The following RCOR1 variants were observed in gnomAD, a reference collection of about 807,000 sequenced individuals.
RCOR1 encodes the protein REST corepressor.
A neutral mutation model predicts 64.0 loss-of-function variants in RCOR1; 12 were observed. The observed-to-expected ratio is 0.19, with a 90% CI of 0.12 to 0.30. RCOR1 has a LOEUF of 0.30. RCOR1 is among the 10% of genes least tolerant of loss of function. RCOR1 has a pLI of 1.00. For missense variants in RCOR1, 502 were observed against 621.2 expected (o/e 0.81, Z 2.04); for synonymous variants, 279 against 227.2 (o/e 1.23, Z -2.05).
In RCOR1 at chr14:102,623,483, A is replaced by G. The variant is rs369761389; in HGVS notation, c.361+30158A>G. Among the ~76,000 whole-genome samples the G allele has an allele frequency of 8.6e-3, 1,297 of 151,538 alleles. 5 individuals carry two copies. The highest frequency in any genetic ancestry group is 0.017 in the South Asian group (84 of 4,808). The stretch of plus-strand genomic sequence containing the variant: ...GAGTGCAATGGCGCGATCTTGGCTC[A>G]CTGCAAGCTCCGCCTCCTGGGTTCA... On this transcript the variant is annotated intron_variant, in intron 2 of 11. Coordinates refer to ENST00000262241, the MANE Select transcript of RCOR1 (RefSeq NM_015156.4).
At position 102,710,298 on chromosome 14, in the gene RCOR1, A is replaced by G. The variant is rs150482389; in HGVS notation, c.780-637A>G. Among the ~76,000 whole-genome samples, 1,108 of 152,352 alleles carry G rather than the reference A, an allele frequency of 7.3e-3. 14 individuals carry two copies. Among genetic ancestry groups the G allele is most frequent in the Middle Eastern group, 0.024 (7 of 294 alleles). Reference sequence around the variant, plus strand: ...TTTTTACAGTTGCATTCCTACCTACATCGGGGCTTTTCTTGTTTCTTTGTT... The same window carrying G: ...TTTTTACAGTTGCATTCCTACCTACGTCGGGGCTTTTCTTGTTTCTTTGTT... On this transcript the variant is annotated intron_variant, in intron 6 of 11. Coordinates refer to ENST00000262241, the MANE Select transcript of RCOR1 (RefSeq NM_015156.4).
rs1190516029 is a variant in RCOR1, at chr14:102,624,181, G to A, written c.361+30856G>A. ...ACTGCACTCCAGCCTGGGCGACAGA[G>A]GGAGACTCCGTCTCACATAAATAAA... On this transcript the variant is annotated intron_variant, in intron 2 of 11. Coordinates refer to ENST00000262241, the MANE Select transcript of RCOR1 (RefSeq NM_015156.4). 2.0e-5 allele frequency among the ~76,000 whole-genome samples: 3 copies of A among 147,378 alleles called. No individual in the cohort carries two copies. The Admixed American group carries it at 2.0e-4, about 10-fold the overall frequency.
intron 2 of RCOR1, among the ~76,000 whole-genome samples, chr14:102,655,782 G>A (rs1032155754): frequency 6.6e-5 from 10 of 151,948 alleles, no homozygotes; most frequent in African/African-American, 9.7e-5. Context: ...GTGAAACCCC[G>A]TCTCTACTAA....
At chr14:102,593,349 G>T (rs1326893022) in intron 2 of RCOR1, 24 bp downstream of exon 2, 4 of 1,520,512 alleles carry the variant, frequency 2.6e-6, no homozygotes, top group African/African-American at 1.4e-5. Context: ...CCGGCCGGCC[G>T]GCGGCGGGGA....
At chr14:102,613,814 A>G (rs1449775703) in intron 2 of RCOR1, among the ~76,000 whole-genome samples, 2 of 145,610 alleles carry the variant, frequency 1.4e-5, no homozygotes, top group African/African-American at 5.1e-5. Context: ...CCTTGGCCTC[A>G]CAAAGTGCTG....
rs144815045 is a variant in RCOR1, at chr14:102,606,546, C to A, written c.361+13221C>A. Among the ~76,000 whole-genome samples the A allele has an allele frequency of 2.0e-5, 3 of 151,856 alleles. No homozygotes were observed. The East Asian group carries it at 5.8e-4, about 29-fold the overall frequency. Reference sequence around the variant, plus strand: ...ATCTTACTCAGTACCAGAGAGTGTTCTGGGAGCTAGTGGTGTCATGTATGT... The same window carrying A: ...ATCTTACTCAGTACCAGAGAGTGTTATGGGAGCTAGTGGTGTCATGTATGT... On this transcript the variant is annotated intron_variant, in intron 2 of 11. Coordinates refer to ENST00000262241, the MANE Select transcript of RCOR1 (RefSeq NM_015156.4).
At chr14:102,605,525 C>T (rs1157072964) in intron 2 of RCOR1, among the ~76,000 whole-genome samples, 1 of 152,120 alleles carries the variant, frequency 6.6e-6, no homozygotes, top group Non-Finnish European at 1.5e-5. Context: ...AGTGCAACAG[C>T]GTGTAGCATT....
intron 2 of RCOR1, among the ~76,000 whole-genome samples, chr14:102,597,761 G>T (rs1454914954): frequency 6.8e-6 from 1 of 147,878 alleles, no homozygotes; most frequent in African/African-American, 2.5e-5. Flanking sequence ...AGCCTCCTCA[G>T]TAGCCGGGAT....
At chr14:102,609,118 T>C (rs1458647200) in intron 2 of RCOR1, among the ~76,000 whole-genome samples, 1 of 148,046 alleles carries the variant, frequency 6.8e-6, no homozygotes, top group Non-Finnish European at 1.5e-5. Context: ...TGATCTCAGC[T>C]CACTGCAACC....
intron 2 of RCOR1, among the ~76,000 whole-genome samples, chr14:102,601,504 A>C (rs1035050064): frequency 6.6e-5 from 10 of 152,200 alleles, no homozygotes; most frequent in Non-Finnish European, 1.2e-4. Context: ...GGATAAAGAG[A>C]GGAAGGAGGT....
chr14:102,651,068 C>G (rs1253994266), intron 2 of RCOR1: 2 of 984,306 alleles, frequency 2.0e-6, no homozygotes, highest in Non-Finnish European at 2.4e-6. Flanking sequence ...AACATTGTTG[C>G]ACAGTACATT....
At chr14:102,675,798 G>T (rs12434778) in intron 2 of RCOR1, among the ~76,000 whole-genome samples, 45,138 of 152,028 alleles carry the variant, frequency 0.3, 6,813 homozygotes, top group East Asian at 0.38. Flanking sequence ...CACACTTCTA[G>T]ACCCTGGAAA....
chr14:102,653,931 CTTTCTT>C (rs1272950471), intron 2 of RCOR1, among the ~76,000 whole-genome samples: 1 of 27,420 alleles, frequency 3.6e-5, no homozygotes, highest in South Asian at 1.0e-3. Flanking sequence ...TTCTTTCTTT[CTTTCTT>C]TCTTTCTTTC....
At chr14:102,685,557 A>G (rs902529036) in intron 3 of RCOR1, among the ~76,000 whole-genome samples, 1 of 150,780 alleles carries the variant, frequency 6.6e-6, no homozygotes, top group Non-Finnish European at 1.5e-5. Context: ...ATCTTGGCTC[A>G]CTGCAACCTC....
At chr14:102,632,057 G>A (rs779617781) in intron 2 of RCOR1, among the ~76,000 whole-genome samples, 2 of 150,972 alleles carry the variant, frequency 1.3e-5, no homozygotes, top group Non-Finnish European at 2.9e-5. Context: ...TAGTCTGCAC[G>A]CCTTGGCCTC....
intron 3 of RCOR1, among the ~76,000 whole-genome samples, chr14:102,689,767 A>G (rs1352987550): frequency 6.6e-6 from 1 of 152,174 alleles, no homozygotes; most frequent in Non-Finnish European, 1.5e-5. Flanking sequence ...TTTTTGAGAC[A>G]GAGTCTCGCA....
chr14:102,721,315 T>A lies in RCOR1; in HGVS notation c.1132-5T>A. 1 of 1,612,152 alleles carries A rather than the reference T, an allele frequency of 6.2e-7. No individual in the cohort carries two copies. The highest frequency in any genetic ancestry group is 8.5e-7 in the Non-Finnish European group (1 of 1,178,312). On this transcript the variant is annotated splice_polypyrimidine_tract_variant and splice_region_variant and intron_variant, in intron 9 of 11. Transcript: ENST00000262241. ...TGTGCTAAAATGACTCATTTGGATA[T>A]CCAGGTCATTCAGAAATGTAATGCA...
At position 102,729,220 on chromosome 14, in the gene RCOR1, T is replaced by C. The variant is rs1896324683; in HGVS notation, c.*2714T>C. On this transcript the variant is annotated 3_prime_UTR_variant, in exon 12 of 12. Transcript: ENST00000262241. ...TAGAACTCCTAAAAGATATAAATTG[T>C]ATTGCATATGCATTAAAAGTTTGTT... 1 of 152,708 alleles carries C rather than the reference T, an allele frequency of 6.5e-6. No homozygotes were observed. Among genetic ancestry groups the C allele is most frequent in the African/African-American group, 2.4e-5 (1 of 41,474 alleles). 9.5% of individuals were successfully genotyped at this position (152,708 alleles called of 1,614,324 possible). A position where few individuals can be genotyped will look rare whatever the true frequency, so the allele number is the denominator to read the frequency against.
chr14:102,721,211 C>A, intron 9 of RCOR1, 109 bp from the exon 10 acceptor site: 1 of 1,129,836 alleles, frequency 8.9e-7, no homozygotes, highest in Non-Finnish European at 1.3e-6. Context: ...TTTTATGAAC[C>A]CAGTTGATGT....
Sources: allele counts gnomAD v4.1 joint callset (sites outside exome capture counted in the v4.1 genomes callset), GRCh38; gene constraint gnomAD v4.1.1; transcripts MANE v1.5; gene names NCBI Gene and HGNC (gene_info 2026-07-23, HGNC 2026-07-21).